The following DENND4C variants were observed in gnomAD, a reference collection of about 807,000 sequenced individuals.
DENND4C encodes the protein DENN domain-containing protein 4C.
Under a neutral mutation model 203.0 loss-of-function variants are expected in DENND4C, and 108 were observed. The observed-to-expected ratio is 0.53, with a 90% confidence interval of 0.46 to 0.62. The LOEUF (loss-of-function observed/expected upper bound fraction) is 0.62. DENND4C is among the 20% of genes least tolerant of loss of function. DENND4C has a pLI of 0.00. For synonymous variants in DENND4C, 871 were observed against 792.4 expected (o/e 1.10, Z -1.67); for missense variants, 2,481 against 2,301.2 (o/e 1.08, Z -1.60).
intron 2 of DENND4C, among the ~76,000 whole-genome samples, chr9:19,283,062 C>T (rs1450144788): frequency 2.0e-5 from 3 of 151,840 alleles, no homozygotes; most frequent in Admixed American, 1.3e-4. Flanking sequence ...AAGATGAGGT[C>T]CTCCTATGTT....
chr9:19,275,362 G>C (rs1011781396), intron 1 of DENND4C, among the ~76,000 whole-genome samples: 4 of 149,950 alleles, frequency 2.7e-5, no homozygotes, highest in East Asian at 2.0e-4. Flanking sequence ...GCGCAATTTG[G>C]GCTCACTGAA....
At chr9:19,308,051 C>T (rs1840038327) in intron 10 of DENND4C, among the ~76,000 whole-genome samples, 1 of 151,464 alleles carries the variant, frequency 6.6e-6, no homozygotes, top group South Asian at 2.1e-4. Flanking sequence ...TTTTGCTCAC[C>T]ATTCTTTGTG....
In DENND4C at chr9:19,307,797, G is replaced by A. The variant is rs147128713; in HGVS notation, c.1487+2270G>A. 2.5e-3 allele frequency among the ~76,000 whole-genome samples: 379 copies of A among 149,634 alleles called. 1 individual carries two copies. The highest frequency in any genetic ancestry group is 9.1e-3 in the African/African-American group (372 of 40,742). On this transcript the variant is annotated intron_variant, in intron 10 of 32. Transcript: ENST00000434457. ...AAAAAAAAAAAAAAAGAAAATATTA[G>A]CAATAAATCTGAAATCCCTAGATAG...
intron 4 of DENND4C, 32 bp from the exon 5 acceptor site, chr9:19,290,672 A>T: frequency 7.5e-7 from 1 of 1,333,084 alleles, no homozygotes; most frequent in Non-Finnish European, 9.7e-7. Context: ...GTAACTATTT[A>T]AAAAATTTAT....
intron 1 of DENND4C, among the ~76,000 whole-genome samples, chr9:19,237,980 T>G (rs911962517): frequency 6.6e-6 from 1 of 152,108 alleles, no homozygotes; most frequent in African/African-American, 2.4e-5. Context: ...TTTCTGACAG[T>G]TCTGGAAAGT....
chr9:19,265,972 G>A (rs1026652521), intron 1 of DENND4C, among the ~76,000 whole-genome samples: 2 of 152,194 alleles, frequency 1.3e-5, no homozygotes, highest in Admixed American at 1.3e-4. Flanking sequence ...TATATACCCA[G>A]TAATGGGATG....
At chr9:19,255,006 GA>G (rs1316645843) in intron 1 of DENND4C, among the ~76,000 whole-genome samples, 6 of 151,988 alleles carry the variant, frequency 3.9e-5, no homozygotes, top group African/African-American at 1.4e-4. Flanking sequence ...GGTGGTGGTG[GA>G]GGGGGGGCCG....
At chr9:19,361,059 A>T (rs759831305) in intron 29 of DENND4C, among the ~76,000 whole-genome samples, 33 of 152,068 alleles carry the variant, frequency 2.2e-4, no homozygotes, top group Admixed American at 4.6e-4. Flanking sequence ...TTTTTGGTAG[A>T]GATGGGATTT....
intron 31 of DENND4C, among the ~76,000 whole-genome samples, chr9:19,371,039 A>G (rs1395956356): frequency 2.0e-5 from 3 of 152,240 alleles, no homozygotes; most frequent in Non-Finnish European, 4.4e-5. Context: ...AAGGACAGGA[A>G]TGTAATATTA....
At chr9:19,349,744 T>C (rs1227607271) in intron 23 of DENND4C, among the ~76,000 whole-genome samples, 1 of 152,166 alleles carries the variant, frequency 6.6e-6, no homozygotes, top group Non-Finnish European at 1.5e-5. Context: ...AACAGGGGAG[T>C]TAGTAAATAC....
chr9:19,355,530 A>G (rs1016316599), intron 26 of DENND4C, among the ~76,000 whole-genome samples: 21 of 152,176 alleles, frequency 1.4e-4, no homozygotes, highest in African/African-American at 5.1e-4. Context: ...AATATTATCC[A>G]CTAAATAACC....
intron 1 of DENND4C, among the ~76,000 whole-genome samples, chr9:19,232,341 A>G (rs1053624131): frequency 5.3e-5 from 8 of 151,804 alleles, no homozygotes; most frequent in African/African-American, 1.9e-4. Context: ...TCCGTTGACC[A>G]TTTTGCAAAA....
rs1340450641 is a variant in DENND4C at position 19,340,976 on chromosome 9, G to A, written c.2882-16G>A. On this transcript the variant is annotated splice_polypyrimidine_tract_variant and intron_variant, in intron 20 of 32. Transcript: ENST00000434457. Reference sequence around the variant, plus strand: ...TATGAAAACATTTATATGTAAGTCTGCATTCTTTTTAACAGGTGGTCAGTC... The same window carrying A: ...TATGAAAACATTTATATGTAAGTCTACATTCTTTTTAACAGGTGGTCAGTC... 11 of 1,581,112 alleles carry A rather than the reference G, an allele frequency of 7.0e-6. No individual in the cohort carries two copies. The highest frequency in any genetic ancestry group is 9.4e-6 in the Non-Finnish European group (11 of 1,168,924).
At chr9:19,340,109 G>A (rs992524437) in intron 20 of DENND4C, among the ~76,000 whole-genome samples, 3 of 151,946 alleles carry the variant, frequency 2.0e-5, no homozygotes, top group African/African-American at 2.4e-5. Context: ...CCATTTCTTC[G>A]GGGATCCCAG....
intron 1 of DENND4C, among the ~76,000 whole-genome samples, chr9:19,262,076 C>CTTTTT (rs60223074): frequency 1.3e-4 from 7 of 55,528 alleles, no homozygotes; most frequent in Admixed American, 3.0e-4. Flanking sequence ...TTTATTAGTT[C>CTTTTT]TTTTTTTTTT....
At chr9:19,314,927 C>T (rs766292219) in intron 10 of DENND4C, among the ~76,000 whole-genome samples, 5 of 151,744 alleles carry the variant, frequency 3.3e-5, no homozygotes, top group East Asian at 1.9e-4. Flanking sequence ...TTTGGGAGGC[C>T]GAGGTGGGCG....
intron 1 of DENND4C, among the ~76,000 whole-genome samples, chr9:19,275,720 C>T (rs569796172): frequency 6.6e-6 from 1 of 152,170 alleles, no homozygotes; most frequent in East Asian, 1.9e-4. Flanking sequence ...ATCCACCCAC[C>T]TCCACCTCCC....
chr9:19,323,395 A>G (rs1424430796), intron 12 of DENND4C, among the ~76,000 whole-genome samples: 1 of 150,844 alleles, frequency 6.6e-6, no homozygotes, highest in Admixed American at 6.7e-5. Context: ...ACATTACTGC[A>G]CTCCAGCCTG....
At position 19,373,679 on chromosome 9, in the gene DENND4C, C is replaced by T. The variant is rs1829205637; in HGVS notation, c.*1506C>T. Reference sequence around the variant, plus strand: ...TATCATGCCTTTTATTAAAAATATCCCTTAGGAACAGTAAGTTTGCCTTAA... The same window carrying T: ...TATCATGCCTTTTATTAAAAATATCTCTTAGGAACAGTAAGTTTGCCTTAA... On this transcript the variant is annotated 3_prime_UTR_variant, in exon 33 of 33. Transcript: ENST00000434457. 3 of 152,420 alleles carry T rather than the reference C, an allele frequency of 2.0e-5. No homozygotes were observed. Among genetic ancestry groups the T allele is most frequent in the African/African-American group, 7.3e-5 (3 of 41,358 alleles). 9.4% of individuals were successfully genotyped at this position (152,420 alleles called of 1,614,324 possible).
Sources: allele counts gnomAD v4.1 joint callset (sites outside exome capture counted in the v4.1 genomes callset), GRCh38; gene constraint gnomAD v4.1.1; transcripts MANE v1.5; gene names NCBI Gene and HGNC (gene_info 2026-07-23, HGNC 2026-07-21).